Variants in RPS6KA2 observed in about 807,000 individuals in gnomAD.
The protein encoded by RPS6KA2 is ribosomal protein S6 kinase A2, also known as ribosomal protein S6 kinase alpha-2.
Under a neutral mutation model 91.8 loss-of-function variants are expected in RPS6KA2, and 42 were observed. The ratio of observed to expected loss-of-function variants is 0.46; its 90% CI spans 0.36 to 0.59. RPS6KA2 has a LOEUF of 0.59. RPS6KA2 is among the 20% of genes least tolerant of loss of function. The pLI, the probability that RPS6KA2 is intolerant of heterozygous loss-of-function variation, is 0.00. For synonymous variants in RPS6KA2, 414 were observed against 393.6 expected, an observed-to-expected ratio of 1.05 and a Z score of -0.61; for missense variants, 798 against 978.5, an observed-to-expected ratio of 0.82 and a Z score of 2.46.
At chr6:166,810,250 A>G (rs1319780704) in intron 2 of RPS6KA2, among the ~76,000 whole-genome samples, 1 of 152,172 alleles carries the variant, frequency 6.6e-6, no homozygotes, top group African/African-American at 2.4e-5. Context: ...GGGGATTACA[A>G]TTCAAGATGA....
intron 11 of RPS6KA2, chr6:166,463,146 G>A (rs752854688): frequency 9.9e-5 from 15 of 152,230 alleles, no homozygotes; most frequent in Non-Finnish European, 1.5e-5. Context: ...CTGATGCTGC[G>A]TAAACATTTG....
At position 166,533,092 on chromosome 6, in the gene RPS6KA2, G is replaced by A. The variant is rs757663354; in HGVS notation, c.217-1779C>T. Among the ~76,000 whole-genome samples, 2 of 152,222 alleles carry A rather than the reference G, an allele frequency of 1.3e-5. No individual in the cohort carries two copies. The highest frequency in any genetic ancestry group is 2.9e-5 in the Non-Finnish European group (2 of 68,034). On this transcript the variant is annotated intron_variant, in intron 2 of 20. Transcript: ENST00000265678. This position sits in a 1 kb window ranked among gnomAD's most constrained non-coding sequence, Gnocchi z 4.0. ...AGTGGGCGAGCTTCCTGACAGGCAG[G>A]TAGAGATGTGAAGGCAGTGGTCTGA...
At chr6:166,512,635 C>T (rs970797934) in intron 3 of RPS6KA2, among the ~76,000 whole-genome samples, 34 of 152,220 alleles carry the variant, frequency 2.2e-4, no homozygotes, top group Admixed American at 1.5e-3. Context: ...ATACTGTCTC[C>T]GGGGGCCCAG....
intron 5 of RPS6KA2, 105 bp from the exon 6 acceptor site, chr6:166,504,717 T>C: frequency 1.3e-6 from 1 of 756,042 alleles, no homozygotes; most frequent in Non-Finnish European, 2.1e-6. Flanking sequence ...CACACTGGGG[T>C]CAGTTTGCTC....
chr6:166,751,190 G>A (rs910747696), intron 2 of RPS6KA2, among the ~76,000 whole-genome samples: 4 of 152,274 alleles, frequency 2.6e-5, no homozygotes, highest in East Asian at 1.9e-4. Flanking sequence ...TGCCAGCCCC[G>A]TGCTCCTCCC....
Position 166,508,389 on chromosome 6 carries a change from G to T in RPS6KA2, c.380-107C>A. The T allele has an allele frequency of 1.4e-6, 1 of 739,734 alleles. No homozygotes were observed. Among genetic ancestry groups the T allele is most frequent in the Non-Finnish European group, 2.3e-6 (1 of 429,132 alleles). 45.8% of individuals were successfully genotyped at this position (739,734 alleles called of 1,614,324 possible). A position where few individuals can be genotyped will look rare whatever the true frequency, so the allele number is the denominator to read the frequency against. On this transcript the variant is annotated intron_variant, in intron 4 of 20. Transcript: ENST00000265678. The surrounding 1 kb of genome is among the most constrained non-coding windows in gnomAD (Gnocchi z 4.3). ...GGTGCTGCTTACTCCGGGAGGCTGA[G>T]TCACTTGAGAAACGGCAGGACCCCG...
intron 2 of RPS6KA2, among the ~76,000 whole-genome samples, chr6:166,745,137 T>G (rs552091401): frequency 6.7e-6 from 1 of 150,062 alleles, no homozygotes; most frequent in South Asian, 2.1e-4. Flanking sequence ...TGTGTCTGTG[T>G]CCTAATCGGC....
At chr6:166,675,297 C>G (rs1232856179) in intron 2 of RPS6KA2, among the ~76,000 whole-genome samples, 2 of 152,208 alleles carry the variant, frequency 1.3e-5, no homozygotes, top group East Asian at 3.8e-4. Context: ...AGTGGGGAAG[C>G]CCCTGCAGTT....
intron 2 of RPS6KA2, among the ~76,000 whole-genome samples, chr6:166,688,789 A>T (rs148554745): frequency 6.6e-6 from 1 of 152,304 alleles, no homozygotes; most frequent in Non-Finnish European, 1.5e-5. Flanking sequence ...CTCTTTCCAC[A>T]CCTTCATGTC....
At chr6:166,681,799 T>G (rs1422893096) in intron 2 of RPS6KA2, among the ~76,000 whole-genome samples, 3 of 150,896 alleles carry the variant, frequency 2.0e-5, no homozygotes, top group African/African-American at 4.9e-5. Context: ...GGCTGGGGCC[T>G]GACACCTGCA....
rs117466799 is a variant in RPS6KA2, at chr6:166,737,446, G to A, written c.123+120754C>T. Among the ~76,000 whole-genome samples the A allele has an allele frequency of 2.5e-3, 384 of 152,218 alleles. 1 individual carries two copies. Among genetic ancestry groups the A allele is most frequent in the Non-Finnish European group, 4.2e-3 (283 of 68,026 alleles). On this transcript the variant is annotated intron_variant, in intron 2 of 21. Coordinates refer to the RPS6KA2 transcript ENST00000503859. This position sits in a 1 kb window ranked among gnomAD's most constrained non-coding sequence, Gnocchi z 4.3. ...CCAGACACCTCGAGAAATGACGCACGCCTTACTCATTTATAATCAGCATCA... is the reference window on the plus strand; with the variant it reads ...CCAGACACCTCGAGAAATGACGCACACCTTACTCATTTATAATCAGCATCA...
chr6:166,765,313 G>C (rs976241376), intron 2 of RPS6KA2, among the ~76,000 whole-genome samples: 1 of 152,256 alleles, frequency 6.6e-6, no homozygotes, highest in African/African-American at 2.4e-5. Flanking sequence ...CCAGCACACC[G>C]GCCCTCAAGT....
At chr6:166,654,515 G>A (rs1178257334) in intron 2 of RPS6KA2, among the ~76,000 whole-genome samples, 4 of 150,470 alleles carry the variant, frequency 2.7e-5, no homozygotes, top group South Asian at 2.1e-4. Flanking sequence ...TAATTTACTC[G>A]CCTGAGAGAT....
chr6:166,647,476 T>G (rs1787643382), intron 2 of RPS6KA2, among the ~76,000 whole-genome samples: 1 of 152,184 alleles, frequency 6.6e-6, no homozygotes, highest in African/African-American at 2.4e-5. Flanking sequence ...AATTCAGGTC[T>G]GGTCAAGCCC....
At position 166,469,692 on chromosome 6, in the gene RPS6KA2, G is replaced by T. The variant is rs558135780; in HGVS notation, c.972+149C>A. On this transcript the variant is annotated intron_variant, in intron 11 of 20. Transcript: ENST00000265678. ...GCCAGCCCGCTCAGCAGGGTCCTGG[G>T]GGCTCCCTGCCTGCAGGTGGCTTGT... is the stretch of plus-strand genomic sequence containing the variant. The T allele has an allele frequency of 4.0e-6, 3 of 747,142 alleles. No individual in the cohort carries two copies. The African/African-American group carries it at 5.2e-5, about 13-fold the overall frequency. 46.3% of individuals were successfully genotyped at this position (747,142 alleles called of 1,614,324 possible).
intron 10 of RPS6KA2, among the ~76,000 whole-genome samples, chr6:166,484,631 G>A (rs1046124581): frequency 3.3e-5 from 5 of 152,288 alleles, no homozygotes; most frequent in East Asian, 1.9e-4. Context: ...ACAAGGCACC[G>A]AGGATAAGGA....
At chr6:166,794,344 G>A (rs1779169017) in intron 2 of RPS6KA2, among the ~76,000 whole-genome samples, 1 of 152,140 alleles carries the variant, frequency 6.6e-6, no homozygotes, top group African/African-American at 2.4e-5. Context: ...TCATTAAAAA[G>A]TGAGGAAACA....
At chr6:166,769,694 A>C (rs1009509647) in intron 2 of RPS6KA2, among the ~76,000 whole-genome samples, 1 of 152,198 alleles carries the variant, frequency 6.6e-6, no homozygotes, top group Non-Finnish European at 1.5e-5. Flanking sequence ...TGGAATTCAA[A>C]TGTCAAGCAT....
At chr6:166,537,258 T>G (rs889229465) in intron 2 of RPS6KA2, among the ~76,000 whole-genome samples, 1 of 152,290 alleles carries the variant, frequency 6.6e-6, no homozygotes, top group Non-Finnish European at 1.5e-5. Flanking sequence ...AAGGAAAGAA[T>G]GCTTGCTTGT....
Sources: allele counts gnomAD v4.1 joint callset (sites outside exome capture counted in the v4.1 genomes callset), GRCh38; gene constraint gnomAD v4.1.1; non-coding constraint Gnocchi (gnomAD v3.1); transcripts MANE v1.5; gene names NCBI Gene and HGNC (gene_info 2026-07-23, HGNC 2026-07-21).